The following RBFOX1 variants were observed in gnomAD, a reference collection of about 807,000 sequenced individuals.
The protein encoded by RBFOX1 is RNA binding protein fox-1 homolog 1.
Under a neutral mutation model 57.7 loss-of-function variants are expected in RBFOX1, and 8 were observed. The ratio of observed to expected loss-of-function variants is 0.14; its 90% CI spans 0.08 to 0.25. RBFOX1 has a LOEUF of 0.25. Ranked by LOEUF, RBFOX1 falls within the 10% of genes least tolerant of loss-of-function variation. The pLI is 1.00. For missense variants in RBFOX1, 611 were observed against 548.5 expected (o/e 1.11, Z -1.14); for synonymous variants, 326 against 222.4 (o/e 1.47, Z -4.15).
intron 4 of RBFOX1, among the ~76,000 whole-genome samples, chr16:7,377,883 T>C (rs1043747315): frequency 1.3e-5 from 2 of 152,138 alleles, no homozygotes; most frequent in Non-Finnish European, 2.9e-5. Context: ...AAATAGGAGA[T>C]TGATGCTCCC....
At chr16:7,239,135 C>T (rs748323442) in intron 4 of RBFOX1, among the ~76,000 whole-genome samples, 1 of 152,100 alleles carries the variant, frequency 6.6e-6, no homozygotes, top group Admixed American at 6.6e-5. Flanking sequence ...TCATTTTCTC[C>T]TTTGCCTTTC....
intron 3 of RBFOX1, among the ~76,000 whole-genome samples, chr16:7,014,198 G>T (rs1377702856): frequency 6.6e-6 from 1 of 151,694 alleles, no homozygotes; most frequent in African/African-American, 2.4e-5. Flanking sequence ...TGTTCAAAAT[G>T]ATGTGTAAAC....
intron 10 of RBFOX1, among the ~76,000 whole-genome samples, chr16:7,616,155 G>A (rs113708748): frequency 6.6e-6 from 1 of 152,222 alleles, no homozygotes; most frequent in East Asian, 1.9e-4. Flanking sequence ...GAAGGACTCA[G>A]AGTTCAAAAA....
At chr16:6,013,508 A>G (rs2094974314) in intron 4 of RBFOX1, among the ~76,000 whole-genome samples, 1 of 152,142 alleles carries the variant, frequency 6.6e-6, no homozygotes, top group South Asian at 2.1e-4. Context: ...AAGCCTGGCT[A>G]CATGGAGATG....
chr16:7,233,643 G>T (rs1488342759), intron 4 of RBFOX1, among the ~76,000 whole-genome samples: 1 of 152,188 alleles, frequency 6.6e-6, no homozygotes, highest in African/African-American at 2.4e-5. Flanking sequence ...TTGTTTCCCT[G>T]GATGCTGCCC....
chr16:6,230,754 T>C (rs913902575), intron 1 of RBFOX1, among the ~76,000 whole-genome samples: 1 of 152,204 alleles, frequency 6.6e-6, no homozygotes, highest in African/African-American at 2.4e-5. Context: ...ACCTGGGCTG[T>C]GACCTTCTGG....
chr16:6,262,503 T>C (rs1198608181), intron 1 of RBFOX1, among the ~76,000 whole-genome samples: 1 of 152,138 alleles, frequency 6.6e-6, no homozygotes, highest in Non-Finnish European at 1.5e-5. Context: ...AGGGAGGCAG[T>C]GTTCACTGCA....
At chr16:7,705,718 T>A (rs545795864) in intron 14 of RBFOX1, among the ~76,000 whole-genome samples, 1 of 152,138 alleles carries the variant, frequency 6.6e-6, no homozygotes, top group South Asian at 2.1e-4. Flanking sequence ...ATTTGATACA[T>A]GTAAATAGCT....
intron 3 of RBFOX1, among the ~76,000 whole-genome samples, chr16:5,649,298 A>T (rs866105797): frequency 1.5e-4 from 23 of 152,030 alleles, no homozygotes; most frequent in African/African-American, 5.5e-4. Context: ...CCTCCCAAGT[A>T]GCTGGGAACT....
chr16:6,053,095 A>G (rs895210821), intron 1 of RBFOX1, among the ~76,000 whole-genome samples: 5 of 152,026 alleles, frequency 3.3e-5, no homozygotes, highest in Non-Finnish European at 7.4e-5. Flanking sequence ...CATCTTAGCA[A>G]TTCTTCCTTT....
intron 3 of RBFOX1, among the ~76,000 whole-genome samples, chr16:6,895,133 A>G (rs2066447341): frequency 6.6e-6 from 1 of 152,108 alleles, no homozygotes; most frequent in Admixed American, 6.5e-5. Flanking sequence ...AGTTCAGTTC[A>G]GAGAAGCACC....
At chr16:7,067,133 G>A (rs1440073918) in intron 4 of RBFOX1, among the ~76,000 whole-genome samples, 1 of 152,166 alleles carries the variant, frequency 6.6e-6, no homozygotes, top group Non-Finnish European at 1.5e-5. Context: ...AGCCTTCCAT[G>A]CTTGTGACAT....
chr16:7,506,904 G>A lies in RBFOX1; in HGVS notation c.28-11243G>A, dbSNP rs147526073. Among the ~76,000 whole-genome samples the A allele has an allele frequency of 4.1e-3, 619 of 152,256 alleles. 4 individuals are homozygous for A. Among genetic ancestry groups the A allele is most frequent in the African/African-American group, 0.014 (597 of 41,542 alleles). On this transcript the variant is annotated intron_variant, in intron 4 of 15. Transcript: ENST00000550418. ...GGTTCTCCAGAGGAAGAACTTCACT[G>A]GACTGGAAGGAGGATCAGTTTTATC...
intron 3 of RBFOX1, among the ~76,000 whole-genome samples, chr16:5,623,269 T>C (rs1219276152): frequency 6.6e-6 from 1 of 152,132 alleles, no homozygotes; most frequent in African/African-American, 2.4e-5. Flanking sequence ...TGGACAGGAC[T>C]CTAGTGGATT....
At chr16:6,337,091 G>T (rs534136631) in intron 2 of RBFOX1, among the ~76,000 whole-genome samples, 2 of 152,194 alleles carry the variant, frequency 1.3e-5, no homozygotes, top group African/African-American at 4.8e-5. Flanking sequence ...TATATTACTC[G>T]ACAGTTTATT....
chr16:7,424,047 C>T (rs1194386689), intron 4 of RBFOX1, among the ~76,000 whole-genome samples: 2 of 152,082 alleles, frequency 1.3e-5, no homozygotes, highest in East Asian at 1.9e-4. Flanking sequence ...CACAAGGCAG[C>T]GAAAATCTTC....
intron 3 of RBFOX1, among the ~76,000 whole-genome samples, chr16:7,027,817 G>A (rs536420818): frequency 6.6e-6 from 1 of 151,808 alleles, no homozygotes; most frequent in Admixed American, 6.6e-5. Context: ...AAATGAGAAA[G>A]AAGGGAAGGA....
intron 1 of RBFOX1, among the ~76,000 whole-genome samples, chr16:6,173,657 T>G (rs1368792781): frequency 7.9e-6 from 1 of 126,712 alleles, no homozygotes; most frequent in East Asian, 2.8e-4. Flanking sequence ...TCACTCAGGC[T>G]GGAGTGCAGT....
At chr16:7,093,034 C>T (rs1043505919) in intron 4 of RBFOX1, among the ~76,000 whole-genome samples, 2 of 152,140 alleles carry the variant, frequency 1.3e-5, no homozygotes, top group African/African-American at 2.4e-5. Context: ...GAGAAATTTT[C>T]GTTTTTTATT....
Sources: gnomAD v4.1 joint callset for allele counts (sites outside exome capture counted in the v4.1 genomes callset) on GRCh38, gnomAD v4.1.1 for gene constraint, MANE v1.5 for transcripts, NCBI Gene and HGNC (gene_info 2026-07-23, HGNC 2026-07-21) for gene names.